Variants in DAB1 observed in about 807,000 individuals in gnomAD.
DAB1 encodes the protein DAB adaptor protein 1, also known as disabled homolog 1.
Under a neutral mutation model 64.6 loss-of-function variants are expected in DAB1, and 15 were observed. That is an observed-to-expected ratio of 0.23 (90% CI 0.16 to 0.36). The LOEUF (loss-of-function observed/expected upper bound fraction) is 0.36, where lower values mean the gene tolerates loss of function less well. Ranked by LOEUF, DAB1 falls within the 10% of genes least tolerant of loss-of-function variation. DAB1 has a pLI of 1.00. For missense variants in DAB1, 596 were observed against 706.7 expected, an observed-to-expected ratio of 0.84 and a Z score of 1.78; for synonymous variants, 235 against 251.9, an observed-to-expected ratio of 0.93 and a Z score of 0.64.
chr1:57,832,914 G>C (rs1652653178), intron 1 of DAB1, among the ~76,000 whole-genome samples: 1 of 152,134 alleles, frequency 6.6e-6, no homozygotes. Context: ...CAGGGATGAA[G>C]AGCTGTGAAG....
chr1:57,594,904 G>T (rs905457562), intron 7 of DAB1, among the ~76,000 whole-genome samples: 13 of 152,080 alleles, frequency 8.5e-5, no homozygotes, highest in Non-Finnish European at 1.8e-4. Context: ...TAGAGACGGG[G>T]TTTCACTGTA....
At position 58,250,432 on chromosome 1, in the gene DAB1, AGTAGTGGCGGTGGCAGCAGAGGCAGCG is replaced by A. The variant is rs1320853468; in HGVS notation, n.309+92893_309+92919del. ...CACTCCTAGCGGCTCCGCTGGCAGC[AGTAGTGGCGGTGGCAGCAGAGGCAGCG>A]GTAGCAACAGCAGCAGTAGCAGCAG... On this transcript the variant is annotated intron_variant and non_coding_transcript_variant, in intron 4 of 20. Coordinates refer to the DAB1 transcript ENST00000485760. Among the ~76,000 whole-genome samples, 3 of 152,238 alleles carry A rather than the reference AGTAGTGGCGGTGGCAGCAGAGGCAGCG, an allele frequency of 2.0e-5. No homozygotes were observed. In the East Asian group the frequency reaches 5.8e-4, roughly 29 times the overall value.
At position 58,022,771 on chromosome 1, in the gene DAB1, A is replaced by G. The variant is rs1398912772; in HGVS notation, n.387+127740T>C. Reference sequence around the variant, plus strand: ...CACTGCACTTCGGAATTTCATTTCTATTACATCTTTGTATCTAGCCAAAGT... The same window carrying G: ...CACTGCACTTCGGAATTTCATTTCTGTTACATCTTTGTATCTAGCCAAAGT... On this transcript the variant is annotated intron_variant and non_coding_transcript_variant, in intron 5 of 20. Coordinates refer to the DAB1 transcript ENST00000485760. Among the ~76,000 whole-genome samples, 3 of 152,180 alleles carry G rather than the reference A, an allele frequency of 2.0e-5. No homozygotes were observed. The East Asian group carries it at 5.8e-4, about 29-fold the overall frequency.
At chr1:57,401,957 C>T (rs552341010) in intron 1 of DAB1, among the ~76,000 whole-genome samples, 59 of 152,198 alleles carry the variant, frequency 3.9e-4, no homozygotes, top group African/African-American at 1.4e-3. Context: ...TAAAACAACA[C>T]TAAAAAGTAA....
intron 8 of DAB1, among the ~76,000 whole-genome samples, chr1:57,065,822 G>A (rs1322898275): frequency 6.6e-6 from 1 of 152,172 alleles, no homozygotes; most frequent in African/African-American, 2.4e-5. Flanking sequence ...TCTGCCCATT[G>A]TGAGCATCTA....
At chr1:57,981,604 T>C (rs1196875195) in intron 5 of DAB1, among the ~76,000 whole-genome samples, 2 of 152,176 alleles carry the variant, frequency 1.3e-5, no homozygotes, top group Non-Finnish European at 2.9e-5. Context: ...TAGGGGGTTG[T>C]AATCTTTCAA....
chr1:58,277,896 G>A (rs1661488837), intron 4 of DAB1, among the ~76,000 whole-genome samples: 1 of 152,106 alleles, frequency 6.6e-6, no homozygotes, highest in Admixed American at 6.6e-5. Flanking sequence ...TGTGGTTGCT[G>A]GAGAATATTC....
intron 7 of DAB1, among the ~76,000 whole-genome samples, chr1:57,490,857 A>C (rs1213666462): frequency 2.0e-5 from 3 of 152,230 alleles, no homozygotes; most frequent in South Asian, 2.1e-4. Context: ...TGAAACTTGC[A>C]AAGTTTTGGA....
Position 58,441,469 on chromosome 1 carries a change from G to A in DAB1, n.257+64591C>T, listed in dbSNP as rs111453133. Among the ~76,000 whole-genome samples the A allele has an allele frequency of 4.6e-3, 708 of 152,268 alleles. 7 individuals carry two copies. Among genetic ancestry groups the A allele is most frequent in the Non-Finnish European group, 8.3e-3 (564 of 68,026 alleles). On this transcript the variant is annotated intron_variant and non_coding_transcript_variant, in intron 3 of 20. Transcript: ENST00000485760. Reference sequence around the variant, plus strand: ...ACCTCTAGAGATCAAACCCAAGGTCGAGTAATCAAGTCATTGTTCTACCTT... The same window carrying A: ...ACCTCTAGAGATCAAACCCAAGGTCAAGTAATCAAGTCATTGTTCTACCTT...
chr1:57,002,131 A>T (rs1285940501), intron 14 of DAB1, among the ~76,000 whole-genome samples: 2 of 152,226 alleles, frequency 1.3e-5, no homozygotes, highest in African/African-American at 4.8e-5. Context: ...TTATTTTTAG[A>T]TAACAGAGTA....
intron 3 of DAB1, chr1:58,473,925 G>A (rs1223023772): frequency 8.4e-6 from 10 of 1,194,932 alleles, no homozygotes; most frequent in Non-Finnish European, 1.1e-5. Context: ...CGTTAACTCT[G>A]CAATCTGTTC....
chr1:57,847,660 G>A (rs950578146), intron 1 of DAB1, among the ~76,000 whole-genome samples: 2 of 151,852 alleles, frequency 1.3e-5, no homozygotes, highest in African/African-American at 4.8e-5. Context: ...AGACCAAGAA[G>A]GTTATTTTTA....
At chr1:58,481,098 G>A (rs751900815) in intron 3 of DAB1, 5 of 871,648 alleles carry the variant, frequency 5.7e-6, no homozygotes, top group African/African-American at 3.3e-5. Flanking sequence ...AAAATGCTTC[G>A]TGCTGAGTTT....
chr1:57,037,787 T>G (rs1647224756), intron 9 of DAB1, among the ~76,000 whole-genome samples: 1 of 152,198 alleles, frequency 6.6e-6, no homozygotes, highest in Non-Finnish European at 1.5e-5. Context: ...GGGAAAGCTC[T>G]GTTTGGCAAT....
intron 5 of DAB1, among the ~76,000 whole-genome samples, chr1:57,961,928 C>T (rs187094646): frequency 8.0e-4 from 121 of 151,540 alleles, no homozygotes; most frequent in Admixed American, 1.2e-3. Context: ...GTTGAGATCA[C>T]GCCATTGCAC....
intron 5 of DAB1, among the ~76,000 whole-genome samples, chr1:57,892,102 A>T (rs1395782679): frequency 6.6e-6 from 1 of 152,214 alleles, no homozygotes; most frequent in Non-Finnish European, 1.5e-5. Flanking sequence ...CACAGTATAA[A>T]TTCGATATTT....
At chr1:57,952,621 G>A (rs991472645) in intron 5 of DAB1, among the ~76,000 whole-genome samples, 2 of 152,096 alleles carry the variant, frequency 1.3e-5, no homozygotes, top group East Asian at 3.9e-4. Context: ...ATGGGAGGAA[G>A]GCTAGGGATT....
At chr1:57,731,814 A>G (rs551431363) in intron 6 of DAB1, among the ~76,000 whole-genome samples, 1 of 143,484 alleles carries the variant, frequency 7.0e-6, no homozygotes, top group African/African-American at 2.6e-5. Flanking sequence ...CAAAAAAAAA[A>G]TAATAATAAT....
chr1:58,050,908 A>G (rs1413755172), intron 5 of DAB1, among the ~76,000 whole-genome samples: 1 of 152,170 alleles, frequency 6.6e-6, no homozygotes, highest in Admixed American at 6.5e-5. Context: ...CTAAGTATCC[A>G]TAATTCATTC....
Sources: allele counts gnomAD v4.1 joint callset (sites outside exome capture counted in the v4.1 genomes callset), GRCh38; gene constraint gnomAD v4.1.1; transcripts MANE v1.5; gene names NCBI Gene and HGNC (gene_info 2026-07-23, HGNC 2026-07-21).